Variants in UTP20 observed in about 807,000 individuals in gnomAD.
UTP20 encodes the protein small subunit processome component 20 homolog.
UTP20 carries 164 observed loss-of-function variants against 329.5 expected under a neutral mutation model. That is an observed-to-expected ratio of 0.50 (90% CI 0.44 to 0.57). The LOEUF (loss-of-function observed/expected upper bound fraction) is 0.57, where lower values mean the gene tolerates loss of function less well. UTP20 is among the 20% of genes least tolerant of loss of function. UTP20 has a pLI of 0.00. For missense variants in UTP20, 3,055 were observed against 3,284.2 expected (o/e 0.93, Z 1.71); for synonymous variants, 1,151 against 1,159.3 (o/e 0.99, Z 0.14).
intron 35 of UTP20, 44 bp from the exon 36 acceptor site, chr12:101,344,551 G>A: frequency 1.2e-6 from 1 of 857,246 alleles, no homozygotes; most frequent in South Asian, 1.4e-5. Context: ...CCATATTGTA[G>A]TTATTACAGA....
intron 18 of UTP20, 46 bp from the exon 19 acceptor site, chr12:101,309,717 A>G (rs768387390): frequency 1.1e-5 from 18 of 1,570,636 alleles, no homozygotes; most frequent in Non-Finnish European, 1.4e-5. Context: ...TCTGTTCTAT[A>G]CTGTATTTCA....
intron 44 of UTP20, 149 bp downstream of exon 44, chr12:101,362,209 T>A: frequency 1.7e-6 from 1 of 589,364 alleles, no homozygotes; most frequent in Non-Finnish European, 2.9e-6. Context: ...TTTAAAGAGC[T>A]AAGACTAAAG....
chr12:101,347,531 G>T lies in UTP20; in HGVS notation c.4884+943G>T, dbSNP rs558672905. ...GAGCGAGACTATTTGAAAAAAAAAA[G>T]TTTAATGAAAGGTGGTATTAAATGA... On this transcript the variant is annotated intron_variant, in intron 38 of 61. Transcript: ENST00000261637. Among the ~76,000 whole-genome samples, 18 of 151,976 alleles carry T rather than the reference G, an allele frequency of 1.2e-4. No homozygotes were observed. In the South Asian group the frequency reaches 3.7e-3, roughly 32 times the overall value.
At chr12:101,368,587 C>T (rs1171668417) in intron 48 of UTP20, among the ~76,000 whole-genome samples, 1 of 152,094 alleles carries the variant, frequency 6.6e-6, no homozygotes, top group Middle Eastern at 3.2e-3. Flanking sequence ...ACTGGATCCT[C>T]ACAACTTCAT....
intron 51 of UTP20, among the ~76,000 whole-genome samples, chr12:101,371,846 G>A (rs1870305744): frequency 6.6e-6 from 1 of 152,128 alleles, no homozygotes; most frequent in African/African-American, 2.4e-5. Flanking sequence ...TTTGTTCTAA[G>A]AATAGCAAGG....
intron 2 of UTP20, among the ~76,000 whole-genome samples, chr12:101,282,651 A>G (rs1871839162): frequency 6.6e-6 from 1 of 152,158 alleles, no homozygotes; most frequent in Non-Finnish European, 1.5e-5. Flanking sequence ...TCAGGTTTAA[A>G]TTTTCAATCT....
chr12:101,356,128 C>CTTTATT (rs1869713201), intron 41 of UTP20, among the ~76,000 whole-genome samples: 1 of 152,068 alleles, frequency 6.6e-6, no homozygotes, highest in South Asian at 2.1e-4. Flanking sequence ...TTTTTCTTTT[C>CTTTATT]TTTCTTTTTC....
intron 24 of UTP20, 118 bp from the exon 25 acceptor site, chr12:101,321,386 C>T (rs2137260475): frequency 7.2e-7 from 1 of 1,394,610 alleles, no homozygotes; most frequent in South Asian, 1.4e-5. Flanking sequence ...TGGATATCAA[C>T]CATAATATGT....
In UTP20 at chr12:101,373,426, T is replaced by G; in HGVS notation, c.6904T>G (p.Ser2302Ala). 3.1e-6 allele frequency: 5 copies of G among 1,613,860 alleles called. No individual in the cohort carries two copies. The highest frequency in any genetic ancestry group is 4.2e-6 in the Non-Finnish European group (5 of 1,179,974). Residue 2302 changes from serine (S) to alanine (A), a missense_variant, in exon 53 of 62, where the codon TCC becomes GCC. Around this residue, in one of 3 missense-constraint regions of UTP20, gnomAD observed 273 missense variants for 363.1 expected, o/e 0.75. Coordinates refer to ENST00000261637, the MANE Select transcript of UTP20 (RefSeq NM_014503.3). ...LNYEHETGRE[S>A]TLEMIAYLFD... The stretch of plus-strand genomic sequence containing the variant: ...TTACGAACATGAGACCGGGAGAGAG[T>G]CCACCTTGGAAATGATCGCCTATCT...
At chr12:101,311,837 GGTT>G in intron 20 of UTP20, 39 bp downstream of exon 20, 1 of 1,586,560 alleles carries the variant, frequency 6.3e-7, no homozygotes, top group Non-Finnish European at 8.6e-7. Context: ...GAAGAAAAGT[GGTT>G]GTTTAACTGT....
intron 60 of UTP20, 85 bp downstream of exon 60, chr12:101,383,754 C>T: frequency 1.8e-6 from 2 of 1,128,124 alleles, no homozygotes; most frequent in Non-Finnish European, 2.3e-6. Flanking sequence ...TCCTTTCTGT[C>T]CTCCCTCCCT....
intron 27 of UTP20, among the ~76,000 whole-genome samples, chr12:101,330,434 A>ATTTACTTCTT (rs1868724313): frequency 6.6e-6 from 1 of 152,154 alleles, no homozygotes; most frequent in East Asian, 1.9e-4. Flanking sequence ...GAGGGGGTGA[A>ATTTACTTCTT]TTTACTTCTA....
At chr12:101,344,462 T>G in intron 35 of UTP20, 133 bp from the exon 36 acceptor site, 1 of 623,780 alleles carries the variant, frequency 1.6e-6, no homozygotes, top group Non-Finnish European at 2.9e-6. Context: ...TTTGAAATAT[T>G]TGTGGGAACT....
intron 43 of UTP20, among the ~76,000 whole-genome samples, chr12:101,359,823 C>T (rs910693142): frequency 6.6e-6 from 1 of 152,268 alleles, no homozygotes; most frequent in East Asian, 1.9e-4. Context: ...AATGGCAGCA[C>T]AGAAAGAGAA....
intron 2 of UTP20, among the ~76,000 whole-genome samples, chr12:101,283,752 G>T (rs1290351444): frequency 3.3e-5 from 5 of 152,118 alleles, no homozygotes. Flanking sequence ...ATCTCGTGTT[G>T]TTGCCTAGGC....
chr12:101,283,504 A>T (rs1018610299), intron 2 of UTP20, among the ~76,000 whole-genome samples: 1 of 151,980 alleles, frequency 6.6e-6, no homozygotes, highest in Non-Finnish European at 1.5e-5. Flanking sequence ...GAGGAAACAG[A>T]CTCCGTCTCT....
chr12:101,369,633 C>G, intron 48 of UTP20, 88 bp from the exon 49 acceptor site: 1 of 705,234 alleles, frequency 1.4e-6, no homozygotes, highest in Non-Finnish European at 2.6e-6. Flanking sequence ...TCAGCACAAT[C>G]ATTTAAAGAG....
Position 101,370,535 on chromosome 12 carries a change from G to C in UTP20, c.6659G>C (p.Arg2220Thr). The C allele has an allele frequency of 6.2e-7, 1 of 1,613,762 alleles. No individual in the cohort carries two copies. The highest frequency in any genetic ancestry group is 8.5e-7 in the Non-Finnish European group (1 of 1,179,856). Reference sequence around the variant, plus strand: ...GAGGAGGACATTTATGATACTTCAAGACAAGCCACTGCCTTTGGTCTTCTG... The same window carrying C: ...GAGGAGGACATTTATGATACTTCAACACAAGCCACTGCCTTTGGTCTTCTG... ...YAEEDIYDTS[R>T]QATAFGLLKA... Residue 2220 changes from arginine (R) to threonine (T), a missense_variant, in exon 50 of 62, where the codon AGA becomes ACA. This residue lies in a region of UTP20 where 273 missense variants were observed against 363.1 expected (regional missense o/e 0.75). Transcript: ENST00000261637.
intron 51 of UTP20, 87 bp downstream of exon 51, chr12:101,371,255 A>T: frequency 3.2e-6 from 3 of 950,490 alleles, no homozygotes; most frequent in Non-Finnish European, 4.7e-6. Context: ...TGAATTCTGA[A>T]GACCACCTTG....
Sources: gnomAD v4.1 joint callset for allele counts (sites outside exome capture counted in the v4.1 genomes callset) on GRCh38, gnomAD v4.1.1 for gene constraint, gnomAD v4.1.1 regional missense constraint, MANE v1.5 for transcripts, NCBI Gene and HGNC (gene_info 2026-07-23, HGNC 2026-07-21) for gene names.